The following ZNF521 variants were observed in gnomAD, a reference collection of about 807,000 sequenced individuals.
ZNF521 encodes LYST-interacting protein 3.
A neutral mutation model predicts 105.5 loss-of-function variants in ZNF521; 14 were observed. The observed-to-expected ratio is 0.13, with a 90% CI of 0.09 to 0.21. ZNF521 has a LOEUF of 0.21. Ranked by LOEUF, ZNF521 falls within the 10% of genes least tolerant of loss-of-function variation. The pLI is 1.00. For missense variants in ZNF521, 1,233 were observed against 1,629.7 expected, an observed-to-expected ratio of 0.76 and a Z score of 4.19; for synonymous variants, 635 against 606.0, an observed-to-expected ratio of 1.05 and a Z score of -0.70.
At chr18:25,184,137 T>C (rs2035679691) in intron 5 of ZNF521, among the ~76,000 whole-genome samples, 1 of 152,128 alleles carries the variant, frequency 6.6e-6, no homozygotes, top group Non-Finnish European at 1.5e-5. Context: ...TGCCTGACCA[T>C]GACATTGTTG....
At chr18:25,103,256 G>A (rs938126830) in intron 5 of ZNF521, among the ~76,000 whole-genome samples, 1 of 152,148 alleles carries the variant, frequency 6.6e-6, no homozygotes, top group African/African-American at 2.4e-5. Flanking sequence ...CTGTGATGGA[G>A]TGGCTGAACG....
intron 3 of ZNF521, among the ~76,000 whole-genome samples, chr18:25,292,916 C>A (rs1213414733): frequency 6.6e-6 from 1 of 152,176 alleles, no homozygotes; most frequent in African/African-American, 2.4e-5. Flanking sequence ...GTCCAGTCCC[C>A]AGGGCCCATC....
intron 2 of ZNF521, among the ~76,000 whole-genome samples, chr18:25,324,437 A>G (rs906058883): frequency 6.6e-6 from 1 of 152,146 alleles, no homozygotes; most frequent in African/African-American, 2.4e-5. Flanking sequence ...AAGATCTCCA[A>G]CAAACTAAAA....
At chr18:25,259,153 C>A (rs1017353840) in intron 3 of ZNF521, among the ~76,000 whole-genome samples, 1 of 152,042 alleles carries the variant, frequency 6.6e-6, no homozygotes, top group Non-Finnish European at 1.5e-5. Context: ...AAGTTTACAC[C>A]AAAAAGAGAA....
chr18:25,083,652 T>C (rs1341492102), intron 7 of ZNF521, among the ~76,000 whole-genome samples: 1 of 152,224 alleles, frequency 6.6e-6, no homozygotes, highest in Non-Finnish European at 1.5e-5. Flanking sequence ...TTCTCTTTCC[T>C]AGTAGATTGT....
intron 5 of ZNF521, among the ~76,000 whole-genome samples, chr18:25,138,765 G>T (rs1300144093): frequency 6.6e-6 from 1 of 152,176 alleles, no homozygotes; most frequent in East Asian, 1.9e-4. Flanking sequence ...CTGAGGAACT[G>T]AGGTTGAGAG....
intron 4 of ZNF521, among the ~76,000 whole-genome samples, chr18:25,198,576 TA>T (rs1032254395): frequency 1.8e-4 from 28 of 151,652 alleles, no homozygotes; most frequent in African/African-American, 6.5e-4. Flanking sequence ...CTGAATAGAT[TA>T]AAAAAAATCA....
intron 4 of ZNF521, among the ~76,000 whole-genome samples, chr18:25,215,079 G>T (rs181849763): frequency 4.6e-5 from 7 of 152,200 alleles, no homozygotes; most frequent in Non-Finnish European, 1.0e-4. Flanking sequence ...ATTTAAGACT[G>T]GGAGTTAAAC....
At chr18:25,274,347 G>A (rs1226490015) in intron 3 of ZNF521, among the ~76,000 whole-genome samples, 2 of 152,166 alleles carry the variant, frequency 1.3e-5, no homozygotes, top group Non-Finnish European at 2.9e-5. Flanking sequence ...CCAGAAGGCG[G>A]TCTCTTCTAA....
intron 5 of ZNF521, among the ~76,000 whole-genome samples, chr18:25,166,335 T>C (rs1331958214): frequency 1.3e-5 from 2 of 152,154 alleles, no homozygotes; most frequent in Non-Finnish European, 2.9e-5. Context: ...ATATTCAAAA[T>C]TCCAAAGTAG....
intron 7 of ZNF521, among the ~76,000 whole-genome samples, chr18:25,067,967 A>T (rs907163952): frequency 6.6e-6 from 1 of 152,224 alleles, no homozygotes. Context: ...TTGTTTATTT[A>T]TAGCCTTTTG....
At chr18:25,243,749 C>A (rs551944911) in intron 3 of ZNF521, among the ~76,000 whole-genome samples, 4 of 152,258 alleles carry the variant, frequency 2.6e-5, no homozygotes, top group African/African-American at 9.6e-5. Context: ...CAAGTGGGCA[C>A]TAAGTGTCTT....
At chr18:25,267,303 T>C (rs1024003789) in intron 3 of ZNF521, among the ~76,000 whole-genome samples, 7 of 152,010 alleles carry the variant, frequency 4.6e-5, no homozygotes, top group Non-Finnish European at 4.4e-5. Context: ...AAAACCCCCA[T>C]CTCCCTGGGA....
intron 5 of ZNF521, among the ~76,000 whole-genome samples, chr18:25,153,583 C>G (rs2035087042): frequency 6.6e-6 from 1 of 152,168 alleles, no homozygotes; most frequent in Admixed American, 6.5e-5. Flanking sequence ...TCAAACTCTT[C>G]TCGTGTGAAT....
intron 3 of ZNF521, among the ~76,000 whole-genome samples, chr18:25,305,798 T>C (rs949400180): frequency 6.6e-6 from 1 of 152,250 alleles, no homozygotes; most frequent in Non-Finnish European, 1.5e-5. Context: ...ATCTGACTCA[T>C]GTGAGTTACT....
intron 2 of ZNF521, among the ~76,000 whole-genome samples, chr18:25,348,058 C>T (rs920358749): frequency 1.3e-5 from 2 of 152,118 alleles, no homozygotes; most frequent in African/African-American, 4.8e-5. Flanking sequence ...TAAAATCAGA[C>T]TTTTTATCTT....
chr18:25,224,669 A>G lies in ZNF521; in HGVS notation c.3249T>C (p.Leu1083=). ...EFRSKQDLVK[L]DINGLPYGLC... is the part of the protein sequence containing the mutation. ...GACCATATGGCAGGCCATTGATATCAAGTTTCACCAGATCTTGCTTGGAAC... is the reference window on the plus strand; with the variant it reads ...GACCATATGGCAGGCCATTGATATCGAGTTTCACCAGATCTTGCTTGGAAC... Residue 1083 remains leucine (L), a synonymous_variant, in exon 4 of 8, where the codon CTT becomes CTC. Transcript: ENST00000361524. 1 of 1,614,070 alleles carries G rather than the reference A, an allele frequency of 6.2e-7. No homozygotes were observed. Among genetic ancestry groups the G allele is most frequent in the Non-Finnish European group, 8.5e-7 (1 of 1,180,002 alleles).
intron 3 of ZNF521, among the ~76,000 whole-genome samples, chr18:25,297,513 T>C (rs916132135): frequency 2.0e-5 from 3 of 152,100 alleles, no homozygotes; most frequent in Non-Finnish European, 4.4e-5. Flanking sequence ...TATAACAGAA[T>C]TTATCACAAG....
At chr18:25,301,786 G>T (rs1284371951) in intron 3 of ZNF521, among the ~76,000 whole-genome samples, 3 of 152,182 alleles carry the variant, frequency 2.0e-5, no homozygotes, top group African/African-American at 7.2e-5. Flanking sequence ...TGTTTGCAGA[G>T]TCCATTTAGT....
Sources: gnomAD v4.1 joint callset for allele counts (sites outside exome capture counted in the v4.1 genomes callset) on GRCh38, gnomAD v4.1.1 for gene constraint, MANE v1.5 for transcripts, NCBI Gene and HGNC (gene_info 2026-07-23, HGNC 2026-07-21) for gene names.